ZNF546: variants seen among roughly 807,000 people sequenced by gnomAD.
ZNF546 encodes zinc finger protein 546.
In ZNF546, 60 loss-of-function variants were observed where a neutral mutation model predicts 76.2. The observed-to-expected ratio is 0.79, with a 90% CI of 0.64 to 0.98. ZNF546 has a LOEUF of 0.98. ZNF546 is among the 50% of genes least tolerant of loss of function. The pLI, the probability that ZNF546 is intolerant of heterozygous loss-of-function variation, is 0.00. For synonymous variants in ZNF546, 277 were observed against 328.1 expected, an observed-to-expected ratio of 0.84 and a Z score of 1.68; for missense variants, 936 against 1,035.6, an observed-to-expected ratio of 0.90 and a Z score of 1.32.
chr19:40,013,527 A>T (rs1320689799), intron 6 of ZNF546, 138 bp from the exon 7 acceptor site: 7 of 800,204 alleles, frequency 8.7e-6, no homozygotes, highest in Non-Finnish European at 1.3e-5. Flanking sequence ...GCTCTAAACC[A>T]TTTATTTCTA....
At chr19:40,010,903 G>A (rs1274075173) in intron 6 of ZNF546, among the ~76,000 whole-genome samples, 2 of 151,794 alleles carry the variant, frequency 1.3e-5, no homozygotes, top group East Asian at 3.9e-4. Flanking sequence ...GGCTGGTCTC[G>A]AACTCCTGAC....
At position 40,019,052 on chromosome 19, in the gene ZNF546, A is replaced by T. The variant is rs1179042769; in HGVS notation, c.*3271A>T. 2 of 152,232 alleles carry T rather than the reference A, an allele frequency of 1.3e-5. No homozygotes were observed. Among genetic ancestry groups the T allele is most frequent in the Non-Finnish European group, 2.9e-5 (2 of 68,046 alleles). 9.4% of individuals were successfully genotyped at this position (152,232 alleles called of 1,614,324 possible). ...TAGAGCTAAATATTTCTTTTAATTT[A>T]GTAAACGATCTGTAGAGTAGTACTT... On this transcript the variant is annotated 3_prime_UTR_variant, in exon 7 of 7. Coordinates refer to ENST00000347077, the MANE Select transcript of ZNF546 (RefSeq NM_178544.5).
chr19:40,006,637 G>A (rs1204814353), intron 4 of ZNF546, among the ~76,000 whole-genome samples: 1 of 152,302 alleles, frequency 6.6e-6, no homozygotes, highest in Admixed American at 6.5e-5. Flanking sequence ...AAGTATTCCT[G>A]AGGTATGGCA....
intron 6 of ZNF546, among the ~76,000 whole-genome samples, chr19:40,011,029 G>A (rs1971664684): frequency 6.6e-6 from 1 of 152,066 alleles, no homozygotes; most frequent in African/African-American, 2.4e-5. Flanking sequence ...ATTGGGTTTT[G>A]AGAGTCCCTT....
rs1022249729 is a variant in ZNF546, at chr19:40,018,800, G to A, written c.*3019G>A. On this transcript the variant is annotated 3_prime_UTR_variant, in exon 7 of 7. Transcript: ENST00000347077. ...TAACAGCCGGGATCCAGCACCAAGTGTATGAGGGTATGAGCCTTCAGATGA... is the reference window on the plus strand; with the variant it reads ...TAACAGCCGGGATCCAGCACCAAGTATATGAGGGTATGAGCCTTCAGATGA... 1.3e-5 allele frequency: 2 copies of A among 152,272 alleles called. No homozygotes were observed. The highest frequency in any genetic ancestry group is 2.9e-5 in the Non-Finnish European group (2 of 68,060). The allele number at this position is 152,272 out of a possible 1,614,324, so 9.4% of individuals were successfully genotyped here. A position where few individuals can be genotyped will look rare whatever the true frequency, so the allele number is the denominator to read the frequency against.
chr19:39,998,805 C>G (rs914819042), intron 3 of ZNF546, among the ~76,000 whole-genome samples: 1 of 152,040 alleles, frequency 6.6e-6, no homozygotes, highest in Non-Finnish European at 1.5e-5. Flanking sequence ...AGGAGTCTCG[C>G]TGTGTCACCC....
intron 6 of ZNF546, among the ~76,000 whole-genome samples, chr19:40,010,691 T>C (rs1971659797): frequency 6.6e-6 from 1 of 152,132 alleles, no homozygotes; most frequent in African/African-American, 2.4e-5. Flanking sequence ...CTTCTTTCTT[T>C]CTTTTTTTTG....
At position 40,017,351 on chromosome 19, in the gene ZNF546, C is replaced by T. The variant is rs1192697655; in HGVS notation, c.*1570C>T. On this transcript the variant is annotated 3_prime_UTR_variant, in exon 7 of 7. Coordinates refer to ENST00000347077, the MANE Select transcript of ZNF546 (RefSeq NM_178544.5). ...CCCACAATGATAAATTAAAAACAGC[C>T]ACTATCCATTTGGAAAACTTAAAAG... The T allele has an allele frequency of 6.6e-6, 1 of 151,434 alleles. No individual in the cohort carries two copies. Among genetic ancestry groups the T allele is most frequent in the Admixed American group, 6.6e-5 (1 of 15,266 alleles). The allele number at this position is 151,434 out of a possible 1,614,324, so 9.4% of individuals were successfully genotyped here.
At chr19:39,998,178 A>T in intron 2 of ZNF546, 70 bp from the exon 3 acceptor site, 1 of 587,586 alleles carries the variant, frequency 1.7e-6, no homozygotes, top group Non-Finnish European at 3.0e-6. Context: ...TTGTCACATA[A>T]ATTGCAACTC....
intron 3 of ZNF546, 81 bp downstream of exon 3, chr19:39,998,491 A>T: frequency 9.2e-7 from 1 of 1,090,202 alleles, no homozygotes; most frequent in Non-Finnish European, 1.4e-6. Flanking sequence ...CACATCATCC[A>T]TCTTCTCCAA....
chr19:40,014,845 C>T lies in ZNF546; in HGVS notation c.1575C>T (p.Tyr525=). 1.2e-6 allele frequency: 2 copies of T among 1,613,068 alleles called. No individual in the cohort carries two copies. The highest frequency in any genetic ancestry group is 1.1e-5 in the South Asian group (1 of 91,060). The change falls in exon 7 of 7, where the codon TAC becomes TAT. Residue 525 remains tyrosine, a synonymous_variant. Transcript: ENST00000347077. ...GAATTCATACTGGTGAGAAACCCTA[C>T]ATATGTAACGAATGTGGAAAAGCCT... The part of the protein sequence containing the change: ...HYRIHTGEKP[Y]ICNECGKAFR...
intron 4 of ZNF546, 98 bp from the exon 5 acceptor site, chr19:40,007,176 A>G: frequency 3.4e-6 from 3 of 881,180 alleles, no homozygotes; most frequent in Non-Finnish European, 4.8e-6. Flanking sequence ...CTTGAGCCCC[A>G]GTTTATTTGC....
rs1199819205 is a variant in ZNF546 at position 40,019,485 on chromosome 19, G to A, written c.*3704G>A. 1.3e-5 allele frequency: 2 copies of A among 152,150 alleles called. No individual in the cohort carries two copies. The highest frequency in any genetic ancestry group is 4.8e-5 in the African/African-American group (2 of 41,446). The allele number at this position is 152,150 out of a possible 1,614,324, so 9.4% of individuals were successfully genotyped here. The stretch of plus-strand genomic sequence containing the variant: ...GCTTTGTGAAAAAATATTAATACTT[G>A]ATTTTAGTATAGCTAATCAAAGGAA... On this transcript the variant is annotated 3_prime_UTR_variant, in exon 7 of 7. Transcript: ENST00000347077.
chr19:40,003,452 A>G (rs994860567), intron 3 of ZNF546, among the ~76,000 whole-genome samples: 3 of 151,162 alleles, frequency 2.0e-5, no homozygotes, highest in African/African-American at 7.4e-5. Flanking sequence ...ATTCAAAAAC[A>G]AAGTTTTTAT....
chr19:40,011,831 C>T (rs1328268501), intron 6 of ZNF546, among the ~76,000 whole-genome samples: 1 of 152,190 alleles, frequency 6.6e-6, no homozygotes, highest in Non-Finnish European at 1.5e-5. Context: ...CAGTCTCTGC[C>T]TCCATCTTCA....
chr19:40,009,908 T>A (rs1971651560), intron 6 of ZNF546, among the ~76,000 whole-genome samples: 1 of 152,086 alleles, frequency 6.6e-6, no homozygotes, highest in African/African-American at 2.4e-5. Flanking sequence ...ACAATTTACT[T>A]ATCCATTTAT....
chr19:40,013,680 A>G lies in ZNF546; in HGVS notation c.410A>G (p.Tyr137Cys). 8.1e-7 allele frequency: 1 copy of G among 1,229,862 alleles called. No homozygotes were observed. The highest frequency in any genetic ancestry group is 1.1e-6 in the Non-Finnish European group (1 of 897,674). The allele number at this position is 1,229,862 out of a possible 1,614,324, so 76.2% of individuals were successfully genotyped here. The change falls in exon 7 of 7, where the codon TAT (tyrosine) becomes TGT (cysteine). Residue 137 changes from tyrosine (Y) to cysteine (C), a missense_variant. Coordinates refer to ENST00000347077, the MANE Select transcript of ZNF546 (RefSeq NM_178544.5). ...RNWFTDLEYK[Y>C]ITKNLLSEKN... ...TTTTTTGCAGATTTGGAATACAAGT[A>G]TATTACCAAGAATTTGCTTTCAGAA...
chr19:40,014,764 A>G lies in ZNF546; in HGVS notation c.1494A>G (p.Glu498=). 1.2e-6 allele frequency: 2 copies of G among 1,613,806 alleles called. No individual in the cohort carries two copies. Among genetic ancestry groups the G allele is most frequent in the Non-Finnish European group, 1.7e-6 (2 of 1,180,002 alleles). ...CTCACACCGGTGAGATTCCCTATGA[A>G]TGTAAGGAATGTGGAAAAACCTTCA... ...LRTHTGEIPY[E]CKECGKTFSS... Residue 498 remains glutamate, a synonymous_variant, in exon 7 of 7, where the codon GAA becomes GAG. Coordinates refer to ENST00000347077, the MANE Select transcript of ZNF546 (RefSeq NM_178544.5).
At chr19:40,003,317 G>A (rs140507028) in intron 3 of ZNF546, among the ~76,000 whole-genome samples, 153 of 152,204 alleles carry the variant, frequency 1.0e-3, no homozygotes, top group African/African-American at 3.6e-3. Context: ...GATTACAGGC[G>A]TGAGCCACCG....
Sources: allele counts gnomAD v4.1 joint callset (sites outside exome capture counted in the v4.1 genomes callset), GRCh38; gene constraint gnomAD v4.1.1; transcripts MANE v1.5; gene names NCBI Gene and HGNC (gene_info 2026-07-23, HGNC 2026-07-21).